SORCS1: variants seen among roughly 807,000 people sequenced by gnomAD.
The protein encoded by SORCS1 is VPS10 domain-containing receptor SorCS1.
In SORCS1, 60 loss-of-function variants were observed where a neutral mutation model predicts 146.1. That is an observed-to-expected ratio of 0.41 (90% CI 0.33 to 0.51). The LOEUF (loss-of-function observed/expected upper bound fraction) is 0.51, where lower values mean the gene tolerates loss of function less well. Among genes scored for constraint, SORCS1 ranks in the 20% least tolerant of loss-of-function variants. The probability of loss-of-function intolerance (pLI) is 0.21; values close to 1 mark genes in which losing one functional copy is unlikely to be tolerated. For synonymous variants in SORCS1, 637 were observed against 584.0 expected, an observed-to-expected ratio of 1.09 and a Z score of -1.31; for missense variants, 1,352 against 1,487.6, an observed-to-expected ratio of 0.91 and a Z score of 1.50.
intron 5 of SORCS1, among the ~76,000 whole-genome samples, chr10:106,738,547 G>T (rs973065868): frequency 1.3e-5 from 2 of 152,190 alleles, no homozygotes; most frequent in African/African-American, 4.8e-5. Context: ...TAAAATCAGT[G>T]TGAGAGGAAG....
intron 1 of SORCS1, among the ~76,000 whole-genome samples, chr10:106,967,588 A>G (rs150985595): frequency 1.3e-5 from 2 of 152,326 alleles, no homozygotes; most frequent in East Asian, 3.9e-4. Flanking sequence ...AACTGGGGCC[A>G]GGGAATAGGG....
intron 6 of SORCS1, among the ~76,000 whole-genome samples, chr10:106,714,626 C>T (rs954443874): frequency 1.1e-4 from 16 of 151,836 alleles, no homozygotes; most frequent in East Asian, 5.8e-4. Flanking sequence ...TTTTGCAAGT[C>T]GTATATATAT....
At chr10:106,657,344 G>A (rs560048680) in intron 17 of SORCS1, among the ~76,000 whole-genome samples, 128 of 152,232 alleles carry the variant, frequency 8.4e-4, no homozygotes, top group South Asian at 2.9e-3. Flanking sequence ...TCTATATGAA[G>A]TAACTCAGGA....
chr10:107,095,117 G>A (rs1964458428), intron 1 of SORCS1, among the ~76,000 whole-genome samples: 1 of 152,182 alleles, frequency 6.6e-6, no homozygotes. Context: ...AGTGACTGTG[G>A]AGGAGAAAGA....
chr10:107,132,080 C>T (rs61867252), intron 1 of SORCS1, among the ~76,000 whole-genome samples: 33,192 of 152,102 alleles, frequency 0.22, 4,676 homozygotes, highest in Middle Eastern at 0.33. Flanking sequence ...ATAGATAATT[C>T]TCTTTTGCCT....
At chr10:106,598,876 C>T (rs763263346) in intron 23 of SORCS1, among the ~76,000 whole-genome samples, 8 of 152,154 alleles carry the variant, frequency 5.3e-5, no homozygotes, top group Non-Finnish European at 1.0e-4. Context: ...CTCTCCTGAA[C>T]AACAGGAACA....
intron 21 of SORCS1, among the ~76,000 whole-genome samples, chr10:106,615,464 G>C (rs1167884475): frequency 6.6e-6 from 1 of 152,124 alleles, no homozygotes; most frequent in Non-Finnish European, 1.5e-5. Context: ...AATCTTTCCT[G>C]TTTAACTTTG....
chr10:106,740,087 G>A (rs1047242064), intron 5 of SORCS1, among the ~76,000 whole-genome samples: 2 of 152,150 alleles, frequency 1.3e-5, no homozygotes, highest in African/African-American at 2.4e-5. Flanking sequence ...ATCAAGCAAG[G>A]GGGGGAAATT....
intron 4 of SORCS1, 145 bp from the exon 5 acceptor site, chr10:106,761,806 C>G: frequency 1.5e-6 from 1 of 674,598 alleles, no homozygotes; most frequent in East Asian, 2.7e-5. Context: ...TCCATGTGTA[C>G]CATCTCTATT....
intron 1 of SORCS1, among the ~76,000 whole-genome samples, chr10:107,087,714 G>A (rs898702885): frequency 2.0e-5 from 3 of 152,318 alleles, no homozygotes; most frequent in South Asian, 4.1e-4. Context: ...GAAGTCAAGC[G>A]TTTGAAGAAC....
intron 1 of SORCS1, among the ~76,000 whole-genome samples, chr10:107,127,504 G>T (rs781263022): frequency 7.9e-5 from 12 of 152,004 alleles, no homozygotes; most frequent in Non-Finnish European, 1.8e-4. Flanking sequence ...TTCCCCACAG[G>T]CATAACTTTG....
chr10:106,836,191 T>A (rs1176604992), intron 2 of SORCS1, among the ~76,000 whole-genome samples: 1 of 151,406 alleles, frequency 6.6e-6, no homozygotes, highest in Non-Finnish European at 1.5e-5. Flanking sequence ...ACTTGGGAGG[T>A]GCGCCGGGCG....
intron 2 of SORCS1, among the ~76,000 whole-genome samples, chr10:106,873,783 G>A (rs921436758): frequency 7.2e-5 from 11 of 152,072 alleles, no homozygotes; most frequent in Admixed American, 3.3e-4. Context: ...CCTTCACCTC[G>A]AGGCCTTTGT....
At chr10:107,067,811 A>G (rs1371738664) in intron 1 of SORCS1, among the ~76,000 whole-genome samples, 1 of 152,212 alleles carries the variant, frequency 6.6e-6, no homozygotes, top group East Asian at 1.9e-4. Flanking sequence ...AAATAGTACC[A>G]ACCTCACGTG....
chr10:106,916,573 T>TACACACAC (rs778320662), intron 2 of SORCS1, among the ~76,000 whole-genome samples: 8 of 126,716 alleles, frequency 6.3e-5, no homozygotes, highest in African/African-American at 8.9e-5. Flanking sequence ...TGTGCATATA[T>TACACACAC]ATACACACAC....
At chr10:106,889,741 T>G (rs1253610111) in intron 2 of SORCS1, among the ~76,000 whole-genome samples, 1 of 151,846 alleles carries the variant, frequency 6.6e-6, no homozygotes, top group Non-Finnish European at 1.5e-5. Flanking sequence ...CTACTAAAAG[T>G]ACAAATAAAT....
At chr10:106,813,421 C>T (rs147601903) in intron 3 of SORCS1, among the ~76,000 whole-genome samples, 23 of 151,972 alleles carry the variant, frequency 1.5e-4, no homozygotes, top group African/African-American at 5.5e-4. Context: ...ACATGAACCA[C>T]CGCGCCCGGC....
rs181104281 is a variant in SORCS1 at position 107,105,526 on chromosome 10, C to T, written c.558+58443G>A. Among the ~76,000 whole-genome samples the T allele has an allele frequency of 5.3e-5, 8 of 152,246 alleles. No homozygotes were observed. The East Asian group carries it at 1.5e-3, about 29-fold the overall frequency. ...CAGCCTTCAGTCTGTGGCTGAAGGC[C>T]CGAGTGCCCCTGGCAAATCACTGGT... On this transcript the variant is annotated intron_variant, in intron 1 of 25. Transcript: ENST00000263054.
At chr10:107,153,236 G>A (rs1968979843) in intron 1 of SORCS1, among the ~76,000 whole-genome samples, 1 of 151,496 alleles carries the variant, frequency 6.6e-6, no homozygotes, top group African/African-American at 2.4e-5. Context: ...CTCACAATCA[G>A]TAAACATCCT....
Sources: allele counts gnomAD v4.1 joint callset (sites outside exome capture counted in the v4.1 genomes callset), GRCh38; gene constraint gnomAD v4.1.1; transcripts MANE v1.5; gene names NCBI Gene and HGNC (gene_info 2026-07-23, HGNC 2026-07-21).